The following SLC6A6 variants were observed in gnomAD, a reference collection of about 807,000 sequenced individuals.
SLC6A6 encodes solute carrier family 6 member 6.
In SLC6A6, 16 loss-of-function variants were observed where a neutral mutation model predicts 68.8. The ratio of observed to expected loss-of-function variants is 0.23; its 90% CI spans 0.16 to 0.35. The LOEUF is 0.35. SLC6A6 is among the 10% of genes least tolerant of loss of function. The pLI, the probability that SLC6A6 is intolerant of heterozygous loss-of-function variation, is 1.00. For missense variants in SLC6A6, 474 were observed against 802.8 expected (o/e 0.59, Z 4.95); for synonymous variants, 312 against 315.4 (o/e 0.99, Z 0.12).
At chr3:14,414,304 C>T (rs757093536) in intron 1 of SLC6A6, among the ~76,000 whole-genome samples, 5 of 152,150 alleles carry the variant, frequency 3.3e-5, no homozygotes, top group Non-Finnish European at 7.4e-5. Context: ...TTTGACCAGG[C>T]TGGTCAAGTG....
chr3:14,426,339 A>G (rs943676489), intron 2 of SLC6A6, among the ~76,000 whole-genome samples: 1 of 152,040 alleles, frequency 6.6e-6, no homozygotes, highest in African/African-American at 2.4e-5. Flanking sequence ...CCCCCCAGCC[A>G]TCCCAAAGGG....
intron 2 of SLC6A6, among the ~76,000 whole-genome samples, chr3:14,432,363 T>A (rs1256977710): frequency 6.6e-6 from 1 of 152,212 alleles, no homozygotes; most frequent in Non-Finnish European, 1.5e-5. Flanking sequence ...GGCTGAGGGC[T>A]GGGCTGCTAG....
chr3:14,475,059 C>T (rs1388218216), intron 10 of SLC6A6, among the ~76,000 whole-genome samples: 1 of 152,170 alleles, frequency 6.6e-6, no homozygotes. Flanking sequence ...TGAGATGGAG[C>T]CTTGCTCTGT....
intron 2 of SLC6A6, among the ~76,000 whole-genome samples, chr3:14,428,262 C>G (rs1315302310): frequency 1.3e-5 from 2 of 152,214 alleles, no homozygotes; most frequent in East Asian, 3.9e-4. Flanking sequence ...CCCTGAATCT[C>G]AGAAGCGGTT....
At chr3:14,442,527 C>A (rs1029126243) in intron 2 of SLC6A6, among the ~76,000 whole-genome samples, 22 of 152,194 alleles carry the variant, frequency 1.4e-4, no homozygotes, top group African/African-American at 4.1e-4. Context: ...CTTGGTAACC[C>A]TTGTCAGTTC....
intron 2 of SLC6A6, among the ~76,000 whole-genome samples, chr3:14,434,994 C>G (rs1456591529): frequency 1.3e-5 from 2 of 152,214 alleles, no homozygotes; most frequent in Non-Finnish European, 2.9e-5. Context: ...CTATTAGACT[C>G]ATACCGTGTC....
intron 6 of SLC6A6, among the ~76,000 whole-genome samples, chr3:14,465,453 G>A (rs931087617): frequency 2.6e-5 from 4 of 152,160 alleles, no homozygotes; most frequent in Non-Finnish European, 4.4e-5. Context: ...TGAAGGTCTC[G>A]TCCTTCCAGC....
chr3:14,451,260 G>A (rs1165451792), intron 5 of SLC6A6, among the ~76,000 whole-genome samples: 1 of 152,194 alleles, frequency 6.6e-6, no homozygotes, highest in South Asian at 2.1e-4. Context: ...TTAGTTCCAT[G>A]TCTTCATCCA....
intron 6 of SLC6A6, among the ~76,000 whole-genome samples, chr3:14,459,576 A>G (rs75554084): frequency 0.023 from 3,478 of 152,228 alleles, 140 homozygotes; most frequent in African/African-American, 0.08. Context: ...CGTGCCCACC[A>G]GTGAGCACGG....
rs914094995 is a variant in SLC6A6 at position 14,481,104 on chromosome 3, A to G, written c.1552-567A>G. ...CTGGGTGTTAAAGAACTAGGACAAG[A>G]CACACACATTCCTACTCTCAGACTC... is the stretch of plus-strand genomic sequence containing the variant. On this transcript the variant is annotated intron_variant, in intron 13 of 14. Transcript: ENST00000622186. The surrounding 1 kb of genome is among the most constrained non-coding windows in gnomAD (Gnocchi z 4.7). Among the ~76,000 whole-genome samples, 1 of 152,224 alleles carries G rather than the reference A, an allele frequency of 6.6e-6. No homozygotes were observed. The highest frequency in any genetic ancestry group is 1.5e-5 in the Non-Finnish European group (1 of 68,044).
chr3:14,474,356 G>A (rs988426666), intron 10 of SLC6A6, among the ~76,000 whole-genome samples: 6 of 152,206 alleles, frequency 3.9e-5, no homozygotes, highest in Admixed American at 6.5e-5. Context: ...AGGCTTCTGT[G>A]TGTGCGTGTG....
rs371933325 is a variant in SLC6A6 at position 14,445,665 on chromosome 3, G to T, written c.230-52G>T. 2.5e-6 allele frequency: 4 copies of T among 1,610,272 alleles called. No homozygotes were observed. The Admixed American group carries it at 6.7e-5, about 27-fold the overall frequency. ...CTGGGAGGGCTTGGGAGCCTTCTGC[G>T]TCGGCGCTGCCATGGCCACAGCCTC... is the stretch of plus-strand genomic sequence containing the variant. On this transcript the variant is annotated intron_variant, in intron 3 of 14. Coordinates refer to ENST00000622186, the MANE Select transcript of SLC6A6 (RefSeq NM_003043.6).
intron 2 of SLC6A6, among the ~76,000 whole-genome samples, chr3:14,441,746 C>A (rs1447491194): frequency 1.3e-5 from 2 of 152,270 alleles, no homozygotes; most frequent in East Asian, 3.9e-4. Context: ...GCCTGCAAGG[C>A]CCTGAGGCCA....
chr3:14,459,986 A>G (rs1485571143), intron 6 of SLC6A6, among the ~76,000 whole-genome samples: 1 of 150,530 alleles, frequency 6.6e-6, no homozygotes, highest in Non-Finnish European at 1.5e-5. Context: ...TCTGGGCTCA[A>G]GCCATCCTCA....
intron 5 of SLC6A6, among the ~76,000 whole-genome samples, chr3:14,453,963 C>G (rs1041674746): frequency 6.6e-6 from 1 of 152,156 alleles, no homozygotes; most frequent in African/African-American, 2.4e-5. Flanking sequence ...ATGCTGCAGT[C>G]TGGGGGATGA....
intron 6 of SLC6A6, among the ~76,000 whole-genome samples, chr3:14,461,365 G>C (rs1225661059): frequency 1.3e-5 from 2 of 152,228 alleles, no homozygotes; most frequent in African/African-American, 4.8e-5. Flanking sequence ...TTTGGACCCA[G>C]GCGGCCCCAC....
intron 1 of SLC6A6, among the ~76,000 whole-genome samples, chr3:14,404,354 G>A (rs1280960926): frequency 2.0e-5 from 3 of 152,080 alleles, no homozygotes; most frequent in Non-Finnish European, 4.4e-5. Context: ...GGGTGGGGGA[G>A]GAATTTCATC....
At chr3:14,418,505 G>A (rs986279246) in intron 2 of SLC6A6, among the ~76,000 whole-genome samples, 3 of 152,182 alleles carry the variant, frequency 2.0e-5, no homozygotes, top group African/African-American at 7.2e-5. Flanking sequence ...CAGCCACTGG[G>A]CAGGCATGGA....
Position 14,451,023 on chromosome 3 carries a change from C to T in SLC6A6, c.599+3207C>T, listed in dbSNP as rs540370452. 1.7e-4 allele frequency among the ~76,000 whole-genome samples: 26 copies of T among 152,330 alleles called. No homozygotes were observed. In the South Asian group the frequency reaches 5.2e-3, roughly 30 times the overall value. ...CTACAATCTGAGCACTGTCCCCATG[C>T]ACTGTCACCCCCATGGGACCCCCAT... On this transcript the variant is annotated intron_variant, in intron 5 of 14. Transcript: ENST00000622186.
Sources: gnomAD v4.1 joint callset for allele counts (sites outside exome capture counted in the v4.1 genomes callset) on GRCh38, gnomAD v4.1.1 for gene constraint, Gnocchi (gnomAD v3.1) non-coding constraint, MANE v1.5 for transcripts, NCBI Gene and HGNC (gene_info 2026-07-23, HGNC 2026-07-21) for gene names.